RSRC1: variants seen among roughly 807,000 people sequenced by gnomAD.
RSRC1 encodes the protein serine/Arginine-related protein 53.
RSRC1 carries 39 observed loss-of-function variants against 49.1 expected under a neutral mutation model. That is an observed-to-expected ratio of 0.79 (90% CI 0.61 to 1.04). The LOEUF is 1.04. Among genes scored for constraint, RSRC1 ranks in the 50% least tolerant of loss-of-function variants. RSRC1 has a pLI of 0.00. For synonymous variants in RSRC1, 143 were observed against 130.8 expected (o/e 1.09, Z -0.63); for missense variants, 388 against 402.4 (o/e 0.96, Z 0.31).
At chr3:158,222,853 A>G (rs7434006) in intron 4 of RSRC1, among the ~76,000 whole-genome samples, 11,586 of 151,604 alleles carry the variant, frequency 0.076, 530 homozygotes, top group South Asian at 0.13. Flanking sequence ...CCTCTCCTGG[A>G]TAATTCCTAC....
intron 3 of RSRC1, among the ~76,000 whole-genome samples, chr3:158,179,458 T>G (rs1719452459): frequency 6.6e-6 from 1 of 152,194 alleles, no homozygotes; most frequent in South Asian, 2.1e-4. Flanking sequence ...TTTTCATAAT[T>G]TTTGTCATTT....
intron 5 of RSRC1, among the ~76,000 whole-genome samples, chr3:158,313,810 G>A (rs1300495500): frequency 6.6e-6 from 1 of 152,132 alleles, no homozygotes; most frequent in Non-Finnish European, 1.5e-5. Context: ...TATTATGGCT[G>A]TATTATTCGA....
chr3:158,326,254 T>G (rs1304161880), intron 5 of RSRC1, among the ~76,000 whole-genome samples: 1 of 152,204 alleles, frequency 6.6e-6, no homozygotes, highest in Non-Finnish European at 1.5e-5. Flanking sequence ...TGGCCAGAAC[T>G]TCCAACACTA....
intron 5 of RSRC1, among the ~76,000 whole-genome samples, chr3:158,301,868 T>A (rs1004015223): frequency 6.6e-6 from 1 of 152,260 alleles, no homozygotes; most frequent in South Asian, 2.1e-4. Flanking sequence ...AGTGGTATTC[T>A]CAGAGAGATG....
intron 6 of RSRC1, among the ~76,000 whole-genome samples, chr3:158,391,296 A>G (rs920032753): frequency 4.6e-5 from 7 of 152,066 alleles, no homozygotes; most frequent in African/African-American, 1.7e-4. Context: ...ATCATAATTG[A>G]TATTCAAAAA....
In RSRC1 at chr3:158,544,913, C is replaced by T. The variant is rs1451937480; in HGVS notation, c.*638C>T. 6.6e-6 allele frequency: 1 copy of T among 152,108 alleles called. No homozygotes were observed. The highest frequency in any genetic ancestry group is 1.5e-5 in the Non-Finnish European group (1 of 68,028). The allele number at this position is 152,108 out of a possible 1,614,324, so 9.4% of individuals were successfully genotyped here. A position where few individuals can be genotyped will look rare whatever the true frequency, so the allele number is the denominator to read the frequency against. ...TTAGAAATCACATGTTCATGCTAGA[C>T]CTAACCAGTTGGCCAAATACCTATG... On this transcript the variant is annotated 3_prime_UTR_variant, in exon 10 of 10. Coordinates refer to ENST00000611884, the MANE Select transcript of RSRC1 (RefSeq NM_001271838.2).
At chr3:158,324,048 A>T (rs1728923540) in intron 5 of RSRC1, among the ~76,000 whole-genome samples, 1 of 152,202 alleles carries the variant, frequency 6.6e-6, no homozygotes, top group African/African-American at 2.4e-5. Context: ...AAATTTTCAT[A>T]TAATTTTTGC....
At chr3:158,527,711 A>G (rs563656958) in intron 7 of RSRC1, among the ~76,000 whole-genome samples, 8 of 152,104 alleles carry the variant, frequency 5.3e-5, no homozygotes, top group African/African-American at 1.7e-4. Context: ...TAAACATGAG[A>G]CAGTAAACCT....
At chr3:158,359,277 A>G (rs749614969) in intron 6 of RSRC1, among the ~76,000 whole-genome samples, 2 of 152,212 alleles carry the variant, frequency 1.3e-5, no homozygotes, top group Non-Finnish European at 2.9e-5. Context: ...TCTCTTTACC[A>G]TAATTTCTTT....
intron 4 of RSRC1, among the ~76,000 whole-genome samples, chr3:158,289,702 G>GAGAATTTC (rs888721584): frequency 1.8e-4 from 27 of 152,274 alleles, no homozygotes; most frequent in South Asian, 4.1e-4. Context: ...AACCAAACCT[G>GAGAATTTC]AGAAGCAGAA....
chr3:158,461,116 C>G (rs546266480), intron 7 of RSRC1, 113 bp downstream of exon 7: 149 of 614,808 alleles, frequency 2.4e-4, no homozygotes, highest in African/African-American at 2.4e-3. Context: ...GTTTCATGAA[C>G]CAAAACTATG....
At chr3:158,110,473 T>C (rs1446382094) in intron 1 of RSRC1, 1 of 152,648 alleles carries the variant, frequency 6.6e-6, no homozygotes. Flanking sequence ...AAGCTTGGCC[T>C]TCTGTCTTGA....
intron 7 of RSRC1, among the ~76,000 whole-genome samples, chr3:158,502,783 T>A (rs1739662873): frequency 6.6e-6 from 1 of 152,206 alleles, no homozygotes; most frequent in African/African-American, 2.4e-5. Flanking sequence ...GTTCTTTGGA[T>A]TTCCTTGCAT....
rs1553763466 is a variant in RSRC1, at chr3:158,163,759, AT to A, written c.321-39300del. On this transcript the variant is annotated intron_variant, in intron 3 of 9. Coordinates refer to ENST00000611884, the MANE Select transcript of RSRC1 (RefSeq NM_001271838.2). ...TCTACCTTTGCTACCCTTTATAGCAATTTTTTTTTTTTTAATGTTAGCAAGA... is the reference window on the plus strand; with the variant it reads ...TCTACCTTTGCTACCCTTTATAGCAATTTTTTTTTTTTAATGTTAGCAAGA... 8.8e-4 allele frequency among the ~76,000 whole-genome samples: 131 copies of A among 149,366 alleles called. 1 individual carries two copies. The highest frequency in any genetic ancestry group is 7.6e-4 in the African/African-American group (31 of 40,834).
At chr3:158,447,116 C>A (rs889627401) in intron 6 of RSRC1, among the ~76,000 whole-genome samples, 9 of 151,952 alleles carry the variant, frequency 5.9e-5, no homozygotes, top group Non-Finnish European at 1.3e-4. Flanking sequence ...AGGATTAAAT[C>A]GAGGCATGGC....
chr3:158,397,103 T>G (rs1301471656), intron 6 of RSRC1, among the ~76,000 whole-genome samples: 1 of 152,188 alleles, frequency 6.6e-6, no homozygotes, highest in African/African-American at 2.4e-5. Flanking sequence ...CTAATACATC[T>G]AAATTCTCTT....
chr3:158,412,916 C>A (rs1310641956), intron 6 of RSRC1, among the ~76,000 whole-genome samples: 1 of 152,096 alleles, frequency 6.6e-6, no homozygotes, highest in Non-Finnish European at 1.5e-5. Context: ...CCATACTGCC[C>A]AAGGTAATTT....
intron 6 of RSRC1, among the ~76,000 whole-genome samples, chr3:158,359,886 A>G (rs948604389): frequency 3.3e-5 from 5 of 152,200 alleles, no homozygotes; most frequent in South Asian, 2.1e-4. Flanking sequence ...TTATTGAGCA[A>G]TAGAACAGCT....
chr3:158,191,650 A>G (rs1433297086), intron 3 of RSRC1, among the ~76,000 whole-genome samples: 1 of 151,936 alleles, frequency 6.6e-6, no homozygotes, highest in Non-Finnish European at 1.5e-5. Flanking sequence ...TTTTTTATCA[A>G]ATGTTTCTTT....
Sources: gnomAD v4.1 joint callset for allele counts (sites outside exome capture counted in the v4.1 genomes callset) on GRCh38, gnomAD v4.1.1 for gene constraint, MANE v1.5 for transcripts, NCBI Gene and HGNC (gene_info 2026-07-23, HGNC 2026-07-21) for gene names.